Variants in FAM53B observed in about 807,000 individuals in gnomAD.
FAM53B encodes the protein protein FAM53B.
A neutral mutation model predicts 32.7 loss-of-function variants in FAM53B; 12 were observed. The ratio of observed to expected loss-of-function variants is 0.37; its 90% CI spans 0.24 to 0.59. FAM53B has a LOEUF of 0.59. Ranked by LOEUF, FAM53B falls within the 20% of genes least tolerant of loss-of-function variation. The pLI, the probability that FAM53B is intolerant of heterozygous loss-of-function variation, is 0.72. For missense variants in FAM53B, 477 were observed against 577.7 expected (o/e 0.83, Z 1.79); for synonymous variants, 234 against 228.7 (o/e 1.02, Z -0.21).
chr10:124,696,306 G>A (rs1949869866), intron 2 of FAM53B, 94 bp from the exon 3 acceptor site: 2 of 1,079,824 alleles, frequency 1.9e-6, no homozygotes, highest in East Asian at 4.7e-5. Context: ...CAATAAAAGG[G>A]TGACTGTCCT....
chr10:124,627,503 C>T lies in FAM53B; in HGVS notation c.907-3899G>A, dbSNP rs1204552020. ...CAGGACCAACTGTCCCCCAGCCCGT[C>T]GACTTCTGCTCTCTTGACATCCAGC... On this transcript the variant is annotated intron_variant, in intron 4 of 4. Transcript: ENST00000337318. Among the ~76,000 whole-genome samples the T allele has an allele frequency of 2.0e-5, 3 of 152,228 alleles. No homozygotes were observed. In the South Asian group the frequency reaches 6.2e-4, roughly 31 times the overall value.
At chr10:124,624,656 G>T (rs1004534231) in intron 4 of FAM53B, among the ~76,000 whole-genome samples, 2 of 152,214 alleles carry the variant, frequency 1.3e-5, no homozygotes, top group Admixed American at 1.3e-4. Context: ...CGAGCGGCAG[G>T]CAGAGCTTGA....
chr10:124,634,198 G>A (rs1949411284), intron 4 of FAM53B, among the ~76,000 whole-genome samples: 1 of 152,216 alleles, frequency 6.6e-6, no homozygotes, highest in Non-Finnish European at 1.5e-5. Flanking sequence ...TGGTCTAGCT[G>A]TACAACAGAA....
At chr10:124,633,209 C>T (rs1423080084) in intron 4 of FAM53B, among the ~76,000 whole-genome samples, 2 of 147,666 alleles carry the variant, frequency 1.4e-5, no homozygotes, top group Admixed American at 6.8e-5. Flanking sequence ...AGATAAAATA[C>T]CCAGGAATGA....
chr10:124,657,363 G>A (rs989379060), intron 4 of FAM53B, among the ~76,000 whole-genome samples: 3 of 151,938 alleles, frequency 2.0e-5, no homozygotes, highest in Non-Finnish European at 4.4e-5. Flanking sequence ...CCACACATTG[G>A]TAAATGATGA....
At chr10:124,715,987 G>T (rs563004593) in intron 1 of FAM53B, among the ~76,000 whole-genome samples, 27 of 152,316 alleles carry the variant, frequency 1.8e-4, no homozygotes, top group African/African-American at 6.3e-4. Flanking sequence ...TAGCTTCTAG[G>T]GGCCAAGAAT....
intron 2 of FAM53B, among the ~76,000 whole-genome samples, chr10:124,704,485 C>G (rs747963897): frequency 6.6e-6 from 1 of 152,106 alleles, no homozygotes; most frequent in Non-Finnish European, 1.5e-5. Context: ...TGGGCGCTGG[C>G]GCTGGGACTG....
At chr10:124,736,632 C>A (rs1227159019) in intron 1 of FAM53B, among the ~76,000 whole-genome samples, 2 of 152,278 alleles carry the variant, frequency 1.3e-5, no homozygotes, top group African/African-American at 4.8e-5. Flanking sequence ...TGGGCTTTGT[C>A]TGTCAGGGTG....
chr10:124,665,413 A>G (rs750874041), intron 4 of FAM53B, among the ~76,000 whole-genome samples: 1 of 151,974 alleles, frequency 6.6e-6, no homozygotes, highest in Non-Finnish European at 1.5e-5. Flanking sequence ...CTCCACTCCA[A>G]CTGATGGGCT....
chr10:124,669,328 C>T (rs912013626), intron 4 of FAM53B, among the ~76,000 whole-genome samples: 8 of 152,162 alleles, frequency 5.3e-5, no homozygotes, highest in Admixed American at 2.0e-4. Flanking sequence ...ACAGCTGAAC[C>T]GCAGTGCCAG....
chr10:124,665,286 G>A lies in FAM53B; in HGVS notation c.906+16321C>T, dbSNP rs1472790979. Reference sequence around the variant, plus strand: ...TCAAGTCCCTGGCCACCTGCCCAGGGCCATCCTTCGCTGCCCACAGAATAA... The same window carrying A: ...TCAAGTCCCTGGCCACCTGCCCAGGACCATCCTTCGCTGCCCACAGAATAA... On this transcript the variant is annotated intron_variant, in intron 4 of 4. Transcript: ENST00000337318. Among the ~76,000 whole-genome samples, 6 of 152,216 alleles carry A rather than the reference G, an allele frequency of 3.9e-5. No homozygotes were observed. In the South Asian group the frequency reaches 1.2e-3, roughly 31 times the overall value.
intron 1 of FAM53B, among the ~76,000 whole-genome samples, chr10:124,731,258 T>A (rs4962690): frequency 0.09 from 13,662 of 152,334 alleles, 771 homozygotes; most frequent in East Asian, 0.15. Context: ...GGGAAAGAAC[T>A]GGGTGCTTGG....
chr10:124,727,150 TG>T, intron 1 of FAM53B, among the ~76,000 whole-genome samples: 1 of 152,246 alleles, frequency 6.6e-6, no homozygotes, highest in South Asian at 2.1e-4. Flanking sequence ...TCCCAGTTGC[TG>T]GGACCACAGG....
At chr10:124,725,419 A>G (rs1950095295) in intron 1 of FAM53B, among the ~76,000 whole-genome samples, 1 of 152,154 alleles carries the variant, frequency 6.6e-6, no homozygotes, top group Admixed American at 6.5e-5. Context: ...TCTATTTCCC[A>G]CCACTGCACG....
intron 4 of FAM53B, among the ~76,000 whole-genome samples, chr10:124,645,400 C>A (rs1420645237): frequency 6.6e-6 from 1 of 152,242 alleles, no homozygotes; most frequent in Non-Finnish European, 1.5e-5. Context: ...GATGCAAAAT[C>A]TCAGCCCCTG....
intron 4 of FAM53B, among the ~76,000 whole-genome samples, chr10:124,653,111 G>A (rs1241422856): frequency 1.3e-5 from 2 of 152,216 alleles, no homozygotes; most frequent in East Asian, 1.9e-4. Flanking sequence ...ACAGAGCCTT[G>A]AGGGCTGCCT....
chr10:124,623,066 C>T lies in FAM53B; in HGVS notation c.*176G>A, dbSNP rs567921670. 7 of 803,898 alleles carry T rather than the reference C, an allele frequency of 8.7e-6. No individual in the cohort carries two copies. The highest frequency in any genetic ancestry group is 2.8e-5 in the Admixed American group (1 of 35,308). 49.8% of individuals were successfully genotyped at this position (803,898 alleles called of 1,614,324 possible). A position where few individuals can be genotyped will look rare whatever the true frequency, so the allele number is the denominator to read the frequency against. On this transcript the variant is annotated 3_prime_UTR_variant, in exon 5 of 5. Coordinates refer to ENST00000337318, the MANE Select transcript of FAM53B (RefSeq NM_014661.4). ...AGGCTGACACACCCGCTGTATGACGCGGCCAGGCCAGGCTCTCCCCCAGGC... is the reference window on the plus strand; with the variant it reads ...AGGCTGACACACCCGCTGTATGACGTGGCCAGGCCAGGCTCTCCCCCAGGC...
intron 4 of FAM53B, 97 bp from the exon 5 acceptor site, chr10:124,623,701 G>A (rs1949327647): frequency 1.0e-5 from 14 of 1,399,410 alleles, no homozygotes; most frequent in Middle Eastern, 2.2e-4. Flanking sequence ...CCAGGCTGTG[G>A]CAAGACCAAT....
intron 4 of FAM53B, chr10:124,671,117 C>G (rs1949705063): frequency 2.2e-6 from 1 of 448,144 alleles, no homozygotes; most frequent in Admixed American, 2.4e-5. Flanking sequence ...TCCCCGTCTG[C>G]TTCCTGTGCT....
Sources: gnomAD v4.1 joint callset for allele counts (sites outside exome capture counted in the v4.1 genomes callset) on GRCh38, gnomAD v4.1.1 for gene constraint, MANE v1.5 for transcripts, NCBI Gene and HGNC (gene_info 2026-07-23, HGNC 2026-07-21) for gene names.